NRXN2: variants seen among roughly 807,000 people sequenced by gnomAD.
NRXN2 encodes the protein neurexin-2-beta.
Under a neutral mutation model 128.8 loss-of-function variants are expected in NRXN2, and 29 were observed. The ratio of observed to expected loss-of-function variants is 0.23; its 90% CI spans 0.17 to 0.31. The LOEUF is 0.31. Among genes scored for constraint, NRXN2 ranks in the 10% least tolerant of loss-of-function variants. The pLI is 1.00. For missense variants in NRXN2, 1,881 were observed against 2,452.6 expected (o/e 0.77, Z 4.92); for synonymous variants, 1,098 against 1,075.2 (o/e 1.02, Z -0.41).
intron 5 of NRXN2, chr11:64,688,511 C>T: frequency 1.3e-5 from 13 of 985,264 alleles, no homozygotes; most frequent in Non-Finnish European, 1.6e-5. Context: ...CCTGTAGGGG[C>T]GGCGGAGGGG....
intron 22 of NRXN2, among the ~76,000 whole-genome samples, chr11:64,612,636 C>T (rs981239467): frequency 6.6e-6 from 1 of 152,256 alleles, no homozygotes; most frequent in African/African-American, 2.4e-5. Flanking sequence ...CCCCCTTCTG[C>T]CCTTAGGGCA....
At position 64,630,384 on chromosome 11, in the gene NRXN2, C is replaced by T. The variant is rs781471362; in HGVS notation, c.3757+18G>A. 153 of 1,603,790 alleles carry T rather than the reference C, an allele frequency of 9.5e-5. 2 individuals carry two copies. The South Asian group carries it at 1.7e-3, about 17-fold the overall frequency. On this transcript the variant is annotated intron_variant, in intron 19 of 22. Coordinates refer to ENST00000265459, the MANE Select transcript of NRXN2 (RefSeq NM_015080.4). This position sits in a 1 kb window ranked among gnomAD's most constrained non-coding sequence, Gnocchi z 4.6. ...CCGCCCCGCCACCGCGCCTCCTCCG[C>T]GGGCCCGCGCCGCCTACCTGCCGGG...
intron 20 of NRXN2, chr11:64,624,069 G>A (rs1484449178): frequency 6.6e-6 from 1 of 151,698 alleles, no homozygotes; most frequent in Non-Finnish European, 1.5e-5. Flanking sequence ...GGAGGGGGTG[G>A]GCAGAGGGCC....
chr11:64,685,351 C>T (rs2052880267), intron 6 of NRXN2, among the ~76,000 whole-genome samples: 1 of 152,148 alleles, frequency 6.6e-6, no homozygotes, highest in Non-Finnish European at 1.5e-5. Context: ...TTAGCCCCAT[C>T]CCTCGAGAGC....
At chr11:64,712,708 C>A in intron 2 of NRXN2, 1 of 642,196 alleles carries the variant, frequency 1.6e-6, no homozygotes, top group South Asian at 1.5e-5. Flanking sequence ...AGAACCTGAC[C>A]ACACAGGCTG....
At position 64,685,712 on chromosome 11, in the gene NRXN2, T is replaced by C. The variant is rs1415798528; in HGVS notation, c.1086A>G (p.Glu362=). The C allele has an allele frequency of 3.7e-6, 6 of 1,614,140 alleles. No individual in the cohort carries two copies. The Admixed American group carries it at 1.0e-4, about 27-fold the overall frequency. The part of the protein sequence containing the change: ...LGSGAFEALV[E]PVNGKFNDNA... The stretch of plus-strand genomic sequence containing the variant: ...TGTCGTTGAACTTGCCATTGACGGG[T>C]TCCACAAGGGCCTCGAAGGCACCTG... The change falls in exon 6 of 23, where the codon GAA becomes GAG. Residue 362 remains glutamate, a synonymous_variant. Coordinates refer to ENST00000265459, the MANE Select transcript of NRXN2 (RefSeq NM_015080.4).
At chr11:64,612,252 G>A (rs549993754) in intron 22 of NRXN2, among the ~76,000 whole-genome samples, 143 of 152,218 alleles carry the variant, frequency 9.4e-4, no homozygotes, top group Admixed American at 2.0e-3. Context: ...AAGCCCAACC[G>A]CTGCCCGTGC....
intron 2 of NRXN2, among the ~76,000 whole-genome samples, chr11:64,703,506 G>A (rs2055789491): frequency 6.6e-6 from 1 of 152,158 alleles, no homozygotes; most frequent in African/African-American, 2.4e-5. Context: ...AACTTCCAGT[G>A]GGCTACGTGC....
intron 12 of NRXN2, among the ~76,000 whole-genome samples, chr11:64,652,432 G>A (rs547859929): frequency 1.1e-4 from 16 of 152,196 alleles, no homozygotes; most frequent in Non-Finnish European, 1.8e-4. Flanking sequence ...ACTTTAGGAG[G>A]TGCCATGCAC....
chr11:64,669,829 G>C (rs1391313806), intron 7 of NRXN2, among the ~76,000 whole-genome samples: 1 of 152,218 alleles, frequency 6.6e-6, no homozygotes, highest in Non-Finnish European at 1.5e-5. Flanking sequence ...AGCTCTGCAG[G>C]GTCAACAGGA....
At chr11:64,641,896 G>A (rs1307378738) in intron 17 of NRXN2, among the ~76,000 whole-genome samples, 2 of 152,012 alleles carry the variant, frequency 1.3e-5, no homozygotes, top group African/African-American at 2.4e-5. Context: ...GAACAAGGAT[G>A]GGAGAATGGC....
intron 19 of NRXN2, among the ~76,000 whole-genome samples, chr11:64,629,192 G>A (rs745493909): frequency 1.3e-5 from 2 of 152,158 alleles, no homozygotes; most frequent in Non-Finnish European, 2.9e-5. Context: ...CTATCTCTCC[G>A]CCTGGGAGAG....
rs139046039 is a variant in NRXN2 at position 64,700,601 on chromosome 11, T to C, written c.731-2809A>G. 6.2e-3 allele frequency among the ~76,000 whole-genome samples: 942 copies of C among 152,306 alleles called. 6 individuals are homozygous for C. Among genetic ancestry groups the C allele is most frequent in the Non-Finnish European group, 9.9e-3 (672 of 68,028 alleles). On this transcript the variant is annotated intron_variant, in intron 2 of 22. Transcript: ENST00000265459. ...CAGAATCACTTTTGCCCTTCTCCAC[T>C]GCAATCCTAGGTCATCGTAGCCTCT...
Position 64,713,707 on chromosome 11 carries a change from G to A in NRXN2, c.-8C>T, listed in dbSNP as rs2057176882. ...CCGGCTCCCGGACGCCATGCCTACG[G>A]CGGCCCCGGCCCCGCCCGGCCCCCG... is the stretch of plus-strand genomic sequence containing the variant. On this transcript the variant is annotated 5_prime_UTR_variant, in exon 2 of 23. Coordinates refer to ENST00000265459, the MANE Select transcript of NRXN2 (RefSeq NM_015080.4). 5 of 1,079,346 alleles carry A rather than the reference G, an allele frequency of 4.6e-6. No individual in the cohort carries two copies. Among genetic ancestry groups the A allele is most frequent in the South Asian group, 4.3e-5 (1 of 23,374 alleles). The allele number at this position is 1,079,346 out of a possible 1,614,324, so 66.9% of individuals were successfully genotyped here.
In NRXN2 at chr11:64,622,953, C is replaced by T. The variant is rs751245096; in HGVS notation, c.3973G>A (p.Ala1325Thr). 9 of 1,613,138 alleles carry T rather than the reference C, an allele frequency of 5.6e-6. No homozygotes were observed. Among genetic ancestry groups the T allele is most frequent in the East Asian group, 2.2e-5 (1 of 44,870 alleles). The change falls in exon 21 of 23, where the codon GCC (alanine) becomes ACC (threonine). Residue 1325 changes from alanine to threonine, a missense_variant. By Grantham distance (58) the Ala-to-Thr change is moderately conservative (BLOSUM62 0). This residue lies in a region of NRXN2 where 108 missense variants were observed against 165.2 expected (regional missense o/e 0.65). Transcript: ENST00000265459. The surrounding 1 kb of genome is among the most constrained non-coding windows in gnomAD (Gnocchi z 4.3). ...GTCCGCACATTGGGGTCGCTCTCGG[C>T]GGCCAGCGCCAGCACCTTGAGCCCA... ...YNGLKVLALA[A>T]ESDPNVRTEG...
At chr11:64,688,496 G>A (rs936241072) in intron 5 of NRXN2, 2 of 985,302 alleles carry the variant, frequency 2.0e-6, no homozygotes, top group Non-Finnish European at 2.4e-6. Context: ...TTCTACTGGG[G>A]TGAGCCTGTA....
At chr11:64,685,590 A>C in intron 6 of NRXN2, 56 bp downstream of exon 6, 3 of 1,608,722 alleles carry the variant, frequency 1.9e-6, no homozygotes, top group East Asian at 2.2e-5. Flanking sequence ...CCCTCTCCCA[A>C]CCCCCATTCT....
intron 3 of NRXN2, 100 bp downstream of exon 3, chr11:64,697,675 T>C (rs1388710526): frequency 1.4e-6 from 2 of 1,408,414 alleles, no homozygotes; most frequent in Non-Finnish European, 2.0e-6. Flanking sequence ...GCCCTAAACA[T>C]GGCAGGAAAG....
chr11:64,643,107 G>A, intron 17 of NRXN2: 3 of 985,820 alleles, frequency 3.0e-6, no homozygotes, highest in Non-Finnish European at 2.4e-6. Context: ...GAAACCCGGG[G>A]GAGCGCCCGG....
Sources: allele counts gnomAD v4.1 joint callset (sites outside exome capture counted in the v4.1 genomes callset), GRCh38; gene constraint gnomAD v4.1.1; regional missense constraint gnomAD v4.1.1; non-coding constraint Gnocchi (gnomAD v3.1); transcripts MANE v1.5; gene names NCBI Gene and HGNC (gene_info 2026-07-23, HGNC 2026-07-21).